Variants in FAM8A1 observed in about 807,000 individuals in gnomAD.
The protein encoded by FAM8A1 is family with sequence similarity 8 member A1.
FAM8A1 carries 18 observed loss-of-function variants against 38.3 expected under a neutral mutation model. That is an observed-to-expected ratio of 0.47 (90% CI 0.33 to 0.70). The LOEUF is 0.70. FAM8A1 is among the 30% of genes least tolerant of loss of function. The pLI is 0.03. For missense variants in FAM8A1, 559 were observed against 559.6 expected, an observed-to-expected ratio of 1.00 and a Z score of 0.01; for synonymous variants, 246 against 234.4, an observed-to-expected ratio of 1.05 and a Z score of -0.45.
At chr6:17,601,385 T>C (rs1039206085) in intron 1 of FAM8A1, among the ~76,000 whole-genome samples, 1 of 152,210 alleles carries the variant, frequency 6.6e-6, no homozygotes, top group Non-Finnish European at 1.5e-5. Flanking sequence ...TGAAAAGAAA[T>C]TGCTCTTCAA....
At chr6:17,602,797 A>G (rs1764004261) in intron 2 of FAM8A1, 87 bp downstream of exon 2, 3 of 1,276,976 alleles carry the variant, frequency 2.3e-6, no homozygotes, top group Non-Finnish European at 3.2e-6. Context: ...ACACGTGACT[A>G]TATGGATAAT....
chr6:17,605,788 A>C (rs1764044390), intron 3 of FAM8A1, 86 bp from the exon 4 acceptor site: 1 of 1,332,722 alleles, frequency 7.5e-7, no homozygotes, highest in Admixed American at 2.6e-5. Context: ...AAAAATTTAA[A>C]ACATGAAATA....
Position 17,610,301 on chromosome 6 carries a change from C to CA in FAM8A1, c.*1966dup, listed in dbSNP as rs1258670036. The CA allele has an allele frequency of 6.6e-6, 1 of 152,012 alleles. No individual in the cohort carries two copies. The highest frequency in any genetic ancestry group is 1.5e-5 in the Non-Finnish European group (1 of 67,972). 9.4% of individuals were successfully genotyped at this position (152,012 alleles called of 1,614,324 possible). A position where few individuals can be genotyped will look rare whatever the true frequency, so the allele number is the denominator to read the frequency against. On this transcript the variant is annotated 3_prime_UTR_variant, in exon 5 of 5. Coordinates refer to ENST00000259963, the MANE Select transcript of FAM8A1 (RefSeq NM_016255.3). ...GATTATTTTCATTTATACTATAAAA[C>CA]AAAAGCAAACTAGTCCAGTTTAATT... is the stretch of plus-strand genomic sequence containing the variant.
intron 2 of FAM8A1, 61 bp downstream of exon 2, chr6:17,602,771 TA>T: frequency 6.5e-7 from 1 of 1,543,720 alleles, no homozygotes; most frequent in Non-Finnish European, 8.8e-7. Context: ...CTTGTTTTAT[TA>T]CATTCTGTTT....
chr6:17,606,453 G>A (rs538854677), intron 4 of FAM8A1, among the ~76,000 whole-genome samples: 12 of 152,232 alleles, frequency 7.9e-5, no homozygotes, highest in Admixed American at 2.0e-4. Context: ...ACCCGCCTCC[G>A]CCTCTCAAAG....
In FAM8A1 at chr6:17,600,336, C is replaced by T. The variant is rs1763961083; in HGVS notation, c.-74C>T. ...TGCGGTTGCTGCGGTGGTGACGGGG[C>T]TGTTGGGGAGGGGCCATTGGGGGAG... On this transcript the variant is annotated 5_prime_UTR_variant, in exon 1 of 5. Transcript: ENST00000259963. 7.6e-7 allele frequency: 1 copy of T among 1,312,580 alleles called. No individual in the cohort carries two copies. The highest frequency in any genetic ancestry group is 9.7e-7 in the Non-Finnish European group (1 of 1,029,522). 81.3% of individuals were successfully genotyped at this position (1,312,580 alleles called of 1,614,324 possible). A position where few individuals can be genotyped will look rare whatever the true frequency, so the allele number is the denominator to read the frequency against.
At position 17,611,608 on chromosome 6, in the gene FAM8A1, T is replaced by TAAAC. The variant is rs1352459047; in HGVS notation, c.*3271_*3274dup. On this transcript the variant is annotated 3_prime_UTR_variant, in exon 5 of 5. Transcript: ENST00000259963. ...GTTCATTATAGTAAGGCTTAACCTG[T>TAAAC]AAACAGTATCTGATGGCCCACCTAT... 6.6e-6 allele frequency: 1 copy of TAAAC among 152,530 alleles called. No homozygotes were observed. Among genetic ancestry groups the TAAAC allele is most frequent in the African/African-American group, 2.4e-5 (1 of 41,458 alleles). The allele number at this position is 152,530 out of a possible 1,614,324, so 9.4% of individuals were successfully genotyped here. A position where few individuals can be genotyped will look rare whatever the true frequency, so the allele number is the denominator to read the frequency against.
rs775758496 is a variant in FAM8A1, at chr6:17,600,996, C to T, written c.587C>T (p.Pro196Leu). Residue 196 changes from proline (P) to leucine (L), a missense_variant, in exon 1 of 5, where the codon CCT becomes CTT. Transcript: ENST00000259963. ...CGGACAGCTGCCGGCATCAGCACCC[C>T]TGCTCCAGTCGCGGGCCTGGGACCC... ...DPRTAAGIST[P>L]APVAGLGPRA... 6 of 1,589,930 alleles carry T rather than the reference C, an allele frequency of 3.8e-6. No individual in the cohort carries two copies. The Admixed American group carries it at 7.1e-5, about 19-fold the overall frequency.
chr6:17,605,129 G>A, intron 3 of FAM8A1, 100 bp downstream of exon 3: 2 of 1,075,934 alleles, frequency 1.9e-6, no homozygotes, highest in East Asian at 3.9e-5. Context: ...CACCCAGGCT[G>A]GAGTGCAGTG....
At position 17,611,372 on chromosome 6, in the gene FAM8A1, T is replaced by TA. The variant is rs1764143570; in HGVS notation, c.*3034dup. On this transcript the variant is annotated 3_prime_UTR_variant, in exon 5 of 5. Coordinates refer to ENST00000259963, the MANE Select transcript of FAM8A1 (RefSeq NM_016255.3). ...AAGGGCTTTTTGAGGGGGGTATGGA[T>TA]ATTAAATGTTTTCGTTATATACTTA... The TA allele has an allele frequency of 6.6e-6, 1 of 152,626 alleles. No homozygotes were observed. Among genetic ancestry groups the TA allele is most frequent in the Non-Finnish European group, 1.5e-5 (1 of 68,036 alleles). 9.5% of individuals were successfully genotyped at this position (152,626 alleles called of 1,614,324 possible).
chr6:17,605,578 C>T (rs1764041868), intron 3 of FAM8A1, among the ~76,000 whole-genome samples: 1 of 152,036 alleles, frequency 6.6e-6, no homozygotes, highest in South Asian at 2.1e-4. Context: ...TAAAATTTCA[C>T]TTATAGATTG....
chr6:17,608,862 A>G lies in FAM8A1; in HGVS notation c.*523A>G, dbSNP rs1158870863. ...CCCAGGAGGTGGTGAGTTGGCTACA[A>G]GAGAAAGGGACAAGTGAGGCAGGCC... On this transcript the variant is annotated 3_prime_UTR_variant, in exon 5 of 5. Transcript: ENST00000259963. 1 of 152,256 alleles carries G rather than the reference A, an allele frequency of 6.6e-6. No individual in the cohort carries two copies. Among genetic ancestry groups the G allele is most frequent in the African/African-American group, 2.4e-5 (1 of 41,462 alleles). The allele number at this position is 152,256 out of a possible 1,614,324, so 9.4% of individuals were successfully genotyped here.
At position 17,600,624 on chromosome 6, in the gene FAM8A1, A is replaced by T; in HGVS notation, c.215A>T (p.Glu72Val). 1 of 1,516,266 alleles carries T rather than the reference A, an allele frequency of 6.6e-7. No individual in the cohort carries two copies. Among genetic ancestry groups the T allele is most frequent in the South Asian group, 1.2e-5 (1 of 80,976 alleles). The allele number at this position is 1,516,266 out of a possible 1,614,324, so 93.9% of individuals were successfully genotyped here. Reference protein sequence around the residue: ...AAADKLEPPRELRKRGEAASG... With the variant: ...AAADKLEPPRVLRKRGEAASG... ...GCCGACAAATTGGAGCCGCCGCGCG[A>T]GCTCAGGAAGCGCGGGGAGGCGGCC... Residue 72 changes from glutamate (E) to valine (V), a missense_variant, in exon 1 of 5, where the codon GAG becomes GTG. Physicochemically the swap from Glu to Val is moderately radical, Grantham distance 121. Coordinates refer to ENST00000259963, the MANE Select transcript of FAM8A1 (RefSeq NM_016255.3).
In FAM8A1 at chr6:17,607,783, A is replaced by G. The variant is rs192725943; in HGVS notation, c.1098-412A>G. On this transcript the variant is annotated intron_variant, in intron 4 of 4. Transcript: ENST00000259963. ...GATCCCACAAAGGAAAATGCTGATT[A>G]AAGAACACACAGTACTTTAAAATGC... is the stretch of plus-strand genomic sequence containing the variant. 1.8e-3 allele frequency among the ~76,000 whole-genome samples: 269 copies of G among 152,350 alleles called. 1 individual carries two copies. The highest frequency in any genetic ancestry group is 9.8e-4 in the Non-Finnish European group (67 of 68,030).
chr6:17,604,961 T>C lies in FAM8A1; in HGVS notation c.889T>C (p.Ser297Pro), dbSNP rs1461848908. The C allele has an allele frequency of 1.2e-6, 2 of 1,608,940 alleles. No individual in the cohort carries two copies. The highest frequency in any genetic ancestry group is 2.7e-5 in the African/African-American group (2 of 74,816). ...YIIEEIDEDTSMEDLQKMMVV... is the reference protein window; with the variant it reads ...YIIEEIDEDTPMEDLQKMMVV... Reference sequence around the variant, plus strand: ...AATAGAAGAAATAGATGAAGACACATCAATGGAAGACTTGCAGAAAATGAT... The same window carrying C: ...AATAGAAGAAATAGATGAAGACACACCAATGGAAGACTTGCAGAAAATGAT... The change falls in exon 3 of 5, where the codon TCA becomes CCA. Residue 297 changes from serine to proline, a missense_variant. Physicochemically the swap from Ser to Pro is moderately conservative, Grantham distance 74 (BLOSUM62 -1). Transcript: ENST00000259963.
intron 2 of FAM8A1, among the ~76,000 whole-genome samples, chr6:17,603,321 T>G (rs1464057661): frequency 1.3e-5 from 2 of 152,218 alleles, no homozygotes; most frequent in Non-Finnish European, 2.9e-5. Context: ...GGTGTAGAGA[T>G]TAATACCACC....
Position 17,610,851 on chromosome 6 carries a change from T to C in FAM8A1, c.*2512T>C, listed in dbSNP as rs558356383. The C allele has an allele frequency of 2.4e-4, 37 of 152,266 alleles. No individual in the cohort carries two copies. Among genetic ancestry groups the C allele is most frequent in the African/African-American group, 8.4e-4 (35 of 41,578 alleles). The allele number at this position is 152,266 out of a possible 1,614,324, so 9.4% of individuals were successfully genotyped here. A position where few individuals can be genotyped will look rare whatever the true frequency, so the allele number is the denominator to read the frequency against. On this transcript the variant is annotated 3_prime_UTR_variant, in exon 5 of 5. Transcript: ENST00000259963. ...AAGATAAACCAGAATTGGCAGTTAA[T>C]TTAGGCGTCTAGAAAATCTCAGTTC...
rs778374057 is a variant in FAM8A1, at chr6:17,609,130, A to G, written c.*791A>G. 7.9e-5 allele frequency: 12 copies of G among 152,104 alleles called. No homozygotes were observed. Among genetic ancestry groups the G allele is most frequent in the Non-Finnish European group, 1.5e-4 (10 of 68,014 alleles). The allele number at this position is 152,104 out of a possible 1,614,324, so 9.4% of individuals were successfully genotyped here. A position where few individuals can be genotyped will look rare whatever the true frequency, so the allele number is the denominator to read the frequency against. On this transcript the variant is annotated 3_prime_UTR_variant, in exon 5 of 5. Transcript: ENST00000259963. ...TAAATTGAACTTATAATTTATGTGC[A>G]AGTGTTTTCAGTGCCCTGAATCAAA...
In FAM8A1 at chr6:17,600,514, C is replaced by T. The variant is rs548518941; in HGVS notation, c.105C>T (p.Ala35=). The T allele has an allele frequency of 3.9e-6, 6 of 1,534,434 alleles. No homozygotes were observed. Among genetic ancestry groups the T allele is most frequent in the East Asian group, 5.6e-5 (2 of 35,888 alleles). ...CCCTGAGAGGCCCTCCTACCACCGC[C>T]GTCCCATGCCCCCGCGACGACCCCC... ...VPSLRGPPTT[A]VPCPRDDPQA... Residue 35 remains alanine (A), a synonymous_variant, in exon 1 of 5, where the codon GCC becomes GCT. Transcript: ENST00000259963.
Sources: gnomAD v4.1 joint callset for allele counts (sites outside exome capture counted in the v4.1 genomes callset) on GRCh38, gnomAD v4.1.1 for gene constraint, MANE v1.5 for transcripts, NCBI Gene and HGNC (gene_info 2026-07-23, HGNC 2026-07-21) for gene names.